The following NHERF2 variants were observed in gnomAD, a reference collection of about 807,000 sequenced individuals.
NHERF2 encodes the protein NHERF family PDZ scaffold protein 2, also known as Na(+)/H(+) exchange regulatory cofactor NHE-RF2.
the NHERF2 span, chr16:2,037,474 A>C: frequency 7.1e-7 from 1 of 1,412,322 alleles, no homozygotes; most frequent in Non-Finnish European, 9.8e-7. Flanking sequence ...GCCTCTGTGC[A>C]CATGTGTGCG....
At chr16:2,036,219 T>G in the NHERF2 span, 21 of 1,183,758 alleles carry the variant, frequency 1.8e-5, no homozygotes, top group Non-Finnish European at 2.5e-5. Flanking sequence ...GGCCTGCCCG[T>G]GGGGGGCACG....
the NHERF2 span, among the ~76,000 whole-genome samples, chr16:2,031,108 C>T: frequency 1.3e-5 from 2 of 152,206 alleles, 1 homozygote; most frequent in South Asian, 4.1e-4. Context: ...GACGTCACTG[C>T]TGAAGCTGGC....
the NHERF2 span, among the ~76,000 whole-genome samples, chr16:2,027,960 C>G: frequency 6.6e-6 from 1 of 152,362 alleles, no homozygotes; most frequent in Middle Eastern, 3.4e-3. Context: ...GCTGCCTAGC[C>G]TGGCTGGGGT....
At chr16:2,031,562 G>T in the NHERF2 span, among the ~76,000 whole-genome samples, 3 of 152,286 alleles carry the variant, frequency 2.0e-5, no homozygotes, top group South Asian at 6.2e-4. Flanking sequence ...AGGCTCTGGG[G>T]GCTGCAGGAA....
At chr16:2,033,358 C>T in the NHERF2 span, 77 of 1,533,014 alleles carry the variant, frequency 5.0e-5, no homozygotes, top group Middle Eastern at 2.3e-4. Flanking sequence ...TGTCATGGCA[C>T]GCTCCGGGAG....
chr16:2,036,122 T>C, the NHERF2 span: 1 of 527,342 alleles, frequency 1.9e-6, no homozygotes, highest in Non-Finnish European at 3.3e-6. Flanking sequence ...GGCTTCTGGG[T>C]TTGAAAACAG....
chr16:2,034,749 C>T, the NHERF2 span, among the ~76,000 whole-genome samples: 1 of 140,612 alleles, frequency 7.1e-6, no homozygotes, highest in African/African-American at 2.7e-5. Flanking sequence ...CCACGCCTTC[C>T]CTCCGTCCCA....
chr16:2,030,618 CTT>C, the NHERF2 span, among the ~76,000 whole-genome samples: 47 of 132,196 alleles, frequency 3.6e-4, no homozygotes, highest in African/African-American at 1.0e-3. Flanking sequence ...TCTCTCCTAC[CTT>C]TTTTTTTTTT....
chr16:2,028,834 C>G, the NHERF2 span, among the ~76,000 whole-genome samples: 152 of 152,314 alleles, frequency 1.0e-3, 4 homozygotes, highest in South Asian at 0.03. Flanking sequence ...GCTGGCCCCC[C>G]GCGTGGTCCA....
the NHERF2 span, among the ~76,000 whole-genome samples, chr16:2,032,042 C>CT: frequency 1.4e-5 from 2 of 143,270 alleles, no homozygotes; most frequent in Non-Finnish European, 3.0e-5. This position sits in a 1 kb window ranked among gnomAD's most constrained non-coding sequence, Gnocchi z 4.0. Context: ...TTTTTTGAGA[C>CT]GGAGTTTCAC....
At chr16:2,031,985 C>A in the NHERF2 span, among the ~76,000 whole-genome samples, 1 of 151,880 alleles carries the variant, frequency 6.6e-6, no homozygotes, top group Non-Finnish European at 1.5e-5. Context: ...AGCCACTGTA[C>A]CCGGCCCCTG....
chr16:2,036,611 G>A, the NHERF2 span: 100 of 1,521,534 alleles, frequency 6.6e-5, 1 homozygote, highest in South Asian at 7.8e-4. Context: ...GAGCTGGTGC[G>A]CCTCCTGCTG....
the NHERF2 span, chr16:2,038,160 C>T: frequency 1.4e-6 from 1 of 711,540 alleles, no homozygotes; most frequent in South Asian, 1.9e-5. Context: ...TACTGGGGGC[C>T]TGTGGCAGCA....
chr16:2,027,184 A>G, the NHERF2 span: 46 of 1,452,406 alleles, frequency 3.2e-5, no homozygotes, highest in Non-Finnish European at 3.8e-5. Flanking sequence ...GTCGAGGTCA[A>G]CGGCGTCAAC....
At chr16:2,038,420 C>T in the NHERF2 span, 40 of 366,414 alleles carry the variant, frequency 1.1e-4, no homozygotes, top group Middle Eastern at 2.3e-3. Context: ...TTCCCCTCCC[C>T]CTTCCCCTCC....
chr16:2,033,283 C>G, the NHERF2 span: 1 of 1,531,440 alleles, frequency 6.5e-7, no homozygotes, highest in East Asian at 2.4e-5. Flanking sequence ...GGGTGGCAGC[C>G]TGGGTCGGCC....
chr16:2,029,576 C>A, the NHERF2 span: 1 of 1,563,674 alleles, frequency 6.4e-7, no homozygotes. Flanking sequence ...CGCCCATTCG[C>A]CCCAGGTGGT....
chr16:2,036,640 G>C, the NHERF2 span: 1 of 1,563,224 alleles, frequency 6.4e-7, no homozygotes, highest in East Asian at 2.3e-5. Context: ...GGCGGTGGCT[G>C]TGATGAATAT....
At chr16:2,037,872 A>T in the NHERF2 span, 1 of 1,604,762 alleles carries the variant, frequency 6.2e-7, no homozygotes, top group African/African-American at 1.3e-5. Context: ...AGCGGCCTCC[A>T]CCTGAGCCCC....
Sources: gnomAD v4.1 joint callset for allele counts (sites outside exome capture counted in the v4.1 genomes callset) on GRCh38, gnomAD v4.1.1 for gene constraint, Gnocchi (gnomAD v3.1) non-coding constraint, MANE v1.5 for transcripts, NCBI Gene and HGNC (gene_info 2026-07-23, HGNC 2026-07-21) for gene names.